Variants in ZNF710 observed in about 807,000 individuals in gnomAD.
The protein encoded by ZNF710 is zinc finger protein 710.
A neutral mutation model predicts 50.6 loss-of-function variants in ZNF710; 13 were observed. The ratio of observed to expected loss-of-function variants is 0.26; its 90% CI spans 0.17 to 0.41. ZNF710 has a LOEUF of 0.41. Ranked by LOEUF, ZNF710 falls within the 10% of genes least tolerant of loss-of-function variation. ZNF710 has a pLI of 1.00. For missense variants in ZNF710, 721 were observed against 936.6 expected (o/e 0.77, Z 3.01); for synonymous variants, 383 against 397.0 (o/e 0.96, Z 0.42).
intron 1 of ZNF710, among the ~76,000 whole-genome samples, chr15:90,008,451 T>TACACATATATATATAC (rs1898207630): frequency 7.1e-6 from 1 of 140,572 alleles, no homozygotes; most frequent in African/African-American, 2.9e-5. Flanking sequence ...CATATATATA[T>TACACATATATATATAC]ATGTATATAT....
At position 90,067,262 on chromosome 15, in the gene ZNF710, C is replaced by A. The variant is rs888787179; in HGVS notation, c.125C>A (p.Ala42Asp). The A allele has an allele frequency of 6.2e-7, 1 of 1,613,140 alleles. No homozygotes were observed. The highest frequency in any genetic ancestry group is 8.5e-7 in the Non-Finnish European group (1 of 1,179,776). The change falls in exon 2 of 5, where the codon GCC becomes GAC. Residue 42 changes from alanine to aspartate, a missense_variant. This residue lies in a region of ZNF710 where 326 missense variants were observed against 347.1 expected (regional missense o/e 0.94). Transcript: ENST00000268154. This position sits in a 1 kb window ranked among gnomAD's most constrained non-coding sequence, Gnocchi z 8.1. ...ELFGATISAE[A>D]FYPDLGPELS... ...TTTGGAGCTACCATAAGCGCCGAGG[C>A]CTTCTACCCGGACCTGGGGCCCGAG... is the stretch of plus-strand genomic sequence containing the variant.
chr15:90,070,895 G>A (rs1465569047), intron 2 of ZNF710, among the ~76,000 whole-genome samples: 3 of 152,210 alleles, frequency 2.0e-5, no homozygotes, highest in Non-Finnish European at 4.4e-5. Flanking sequence ...ATGTCTGCAA[G>A]GAGTGATTGT....
At chr15:90,070,778 C>G (rs1362327675) in intron 2 of ZNF710, among the ~76,000 whole-genome samples, 1 of 152,320 alleles carries the variant, frequency 6.6e-6, no homozygotes, top group East Asian at 1.9e-4. Context: ...GTGATTGCGC[C>G]ACTGCACTCC....
intron 1 of ZNF710, among the ~76,000 whole-genome samples, chr15:90,028,147 A>T (rs1898832929): frequency 6.6e-6 from 1 of 152,248 alleles, no homozygotes; most frequent in Non-Finnish European, 1.5e-5. Context: ...AGAAAAATTG[A>T]AAGTATATAA....
intron 1 of ZNF710, among the ~76,000 whole-genome samples, chr15:90,047,202 T>G (rs942760386): frequency 6.6e-6 from 1 of 152,218 alleles, no homozygotes. Context: ...TAGCAGTCGA[T>G]TCTCCCCTAA....
rs186705687 is a variant in ZNF710, at chr15:90,033,498, A to G, written c.-29+31884A>G. Among the ~76,000 whole-genome samples the G allele has an allele frequency of 1.7e-3, 255 of 152,248 alleles. 1 individual carries two copies. Among genetic ancestry groups the G allele is most frequent in the African/African-American group, 6.0e-3 (249 of 41,546 alleles). On this transcript the variant is annotated intron_variant, in intron 1 of 4. Transcript: ENST00000268154. ...TTCAGGCAGAAAGGGGTTGGCTCCT[A>G]GGCTAGCCGGCTACTCCACGTTGAG...
chr15:90,018,238 G>A (rs900153979), intron 1 of ZNF710, among the ~76,000 whole-genome samples: 1 of 146,594 alleles, frequency 6.8e-6, no homozygotes, highest in East Asian at 2.0e-4. Flanking sequence ...GCGTGATCTC[G>A]ACTCACTGCA....
At chr15:90,043,577 A>C (rs1255639613) in intron 1 of ZNF710, among the ~76,000 whole-genome samples, 5 of 152,188 alleles carry the variant, frequency 3.3e-5, no homozygotes, top group African/African-American at 1.2e-4. Flanking sequence ...ACTTTTAGGA[A>C]TTAACTTGCA....
At chr15:90,071,833 G>A (rs537171879) in intron 2 of ZNF710, among the ~76,000 whole-genome samples, 1 of 151,858 alleles carries the variant, frequency 6.6e-6, no homozygotes, top group African/African-American at 2.4e-5. Flanking sequence ...CGCATACCAC[G>A]CTCAGCTAAT....
chr15:90,059,841 G>C lies in ZNF710; in HGVS notation c.-28-7269G>C, dbSNP rs1899949258. Reference sequence around the variant, plus strand: ...CAAGAGGCTGGTTTCCTTAGGCGGTGAAATCCCGTGCATGTTTTTCACAGC... The same window carrying C: ...CAAGAGGCTGGTTTCCTTAGGCGGTCAAATCCCGTGCATGTTTTTCACAGC... On this transcript the variant is annotated intron_variant, in intron 1 of 4. Coordinates refer to ENST00000268154, the MANE Select transcript of ZNF710 (RefSeq NM_198526.4). The surrounding 1 kb of genome is among the most constrained non-coding windows in gnomAD (Gnocchi z 4.1). Among the ~76,000 whole-genome samples the C allele has an allele frequency of 6.6e-6, 1 of 152,228 alleles. No homozygotes were observed. Among genetic ancestry groups the C allele is most frequent in the Non-Finnish European group, 1.5e-5 (1 of 68,042 alleles).
intron 1 of ZNF710, among the ~76,000 whole-genome samples, chr15:90,016,047 T>G (rs918457639): frequency 1.3e-5 from 2 of 152,180 alleles, no homozygotes; most frequent in Non-Finnish European, 2.9e-5. Flanking sequence ...CGCAAGGATA[T>G]CTAGGAGGCT....
chr15:90,057,533 T>TA (rs542679461), intron 1 of ZNF710, among the ~76,000 whole-genome samples: 148 of 151,926 alleles, frequency 9.7e-4, no homozygotes, highest in African/African-American at 3.4e-3. Flanking sequence ...CCATGTCTAC[T>TA]AAAAAATCCA....
chr15:90,061,497 G>C (rs1567238054), intron 1 of ZNF710, among the ~76,000 whole-genome samples: 1 of 152,128 alleles, frequency 6.6e-6, no homozygotes, highest in Non-Finnish European at 1.5e-5. Flanking sequence ...AGATCTCCCT[G>C]GTGGTGGGAA....
Position 90,073,311 on chromosome 15 carries a change from G to C in ZNF710, c.1650+49G>C, listed in dbSNP as rs201307760. The C allele has an allele frequency of 1.4e-4, 225 of 1,579,624 alleles. 1 individual carries two copies. The African/African-American group carries it at 2.7e-3, about 19-fold the overall frequency. On this transcript the variant is annotated intron_variant, in intron 3 of 4. Coordinates refer to ENST00000268154, the MANE Select transcript of ZNF710 (RefSeq NM_198526.4). ...GCTGGGACCTCCCCGAGGGTGGTCT[G>C]GAATCAGCATGCCTGCAGCAGCTGT...
intron 1 of ZNF710, among the ~76,000 whole-genome samples, chr15:90,035,959 C>T (rs1434190037): frequency 6.6e-6 from 1 of 152,168 alleles, no homozygotes; most frequent in East Asian, 1.9e-4. Context: ...CTGGAGTCAG[C>T]GTTTCCCAGC....
intron 1 of ZNF710, among the ~76,000 whole-genome samples, chr15:90,021,009 A>AC (rs532595178): frequency 0.046 from 4,232 of 91,164 alleles, 245 homozygotes; most frequent in African/African-American, 0.14. Context: ...AGGGTGTGGC[A>AC]CCCCCCCCCC....
chr15:90,067,170 G>T lies in ZNF710; in HGVS notation c.33G>T (p.Thr11=), dbSNP rs143167031. 1 of 1,609,412 alleles carries T rather than the reference G, an allele frequency of 6.2e-7. No individual in the cohort carries two copies. The highest frequency in any genetic ancestry group is 1.1e-5 in the South Asian group (1 of 90,688). MEGFMDSGTQ[T]DAVVVLSLAQ... ...GCTTCATGGACTCAGGGACACAGAC[G>T]GACGCCGTGGTGGTGCTGTCCTTGG... is the stretch of plus-strand genomic sequence containing the variant. The change falls in exon 2 of 5, where the codon ACG becomes ACT. Residue 11 remains threonine (T), a synonymous_variant. Coordinates refer to ENST00000268154, the MANE Select transcript of ZNF710 (RefSeq NM_198526.4). This position sits in a 1 kb window ranked among gnomAD's most constrained non-coding sequence, Gnocchi z 8.1.
intron 2 of ZNF710, among the ~76,000 whole-genome samples, chr15:90,069,735 C>T (rs1016737320): frequency 1.3e-4 from 20 of 152,276 alleles, no homozygotes; most frequent in Non-Finnish European, 2.8e-4. Flanking sequence ...AAACTAGGCA[C>T]AGTGGCTCGG....
intron 1 of ZNF710, among the ~76,000 whole-genome samples, chr15:90,011,170 T>C (rs1199586848): frequency 6.6e-6 from 1 of 152,196 alleles, no homozygotes; most frequent in African/African-American, 2.4e-5. Flanking sequence ...CCTCACGTGA[T>C]CCACCCATCT....
Sources: gnomAD v4.1 joint callset for allele counts (sites outside exome capture counted in the v4.1 genomes callset) on GRCh38, gnomAD v4.1.1 for gene constraint, gnomAD v4.1.1 regional missense constraint, Gnocchi (gnomAD v3.1) non-coding constraint, MANE v1.5 for transcripts, NCBI Gene and HGNC (gene_info 2026-07-23, HGNC 2026-07-21) for gene names.